Variants in TUBA1C observed in about 807,000 individuals in gnomAD.
TUBA1C encodes tubulin alpha-1C chain.
TUBA1C carries 16 observed loss-of-function variants against 34.9 expected under a neutral mutation model. The observed-to-expected ratio is 0.46, with a 90% CI of 0.31 to 0.70. The LOEUF is 0.70. Ranked by LOEUF, TUBA1C falls within the 30% of genes least tolerant of loss-of-function variation. The pLI is 0.05. For missense variants in TUBA1C, 329 were observed against 587.3 expected, an observed-to-expected ratio of 0.56 and a Z score of 4.55; for synonymous variants, 177 against 215.9, an observed-to-expected ratio of 0.82 and a Z score of 1.58.
chr12:49,246,314 A>G (rs1942666757), intron 1 of TUBA1C, among the ~76,000 whole-genome samples: 1 of 152,094 alleles, frequency 6.6e-6, no homozygotes, highest in Non-Finnish European at 1.5e-5. Context: ...ACCCTGGGGC[A>G]GCCTGCCTAG....
intron 1 of TUBA1C, among the ~76,000 whole-genome samples, chr12:49,257,608 C>T (rs1942797546): frequency 6.6e-6 from 1 of 151,832 alleles, no homozygotes; most frequent in Non-Finnish European, 1.5e-5. Context: ...GCAAGACCCT[C>T]TCGCTACAAA....
upstream of TUBA1C, among the ~76,000 whole-genome samples, chr12:49,264,474 A>G (rs1942873170): frequency 6.6e-6 from 1 of 151,922 alleles, no homozygotes; most frequent in South Asian, 2.1e-4. Flanking sequence ...CGGCGAGGGG[A>G]GCGGGCGCCC....
chr12:49,267,142 T>C (rs1241401032), intron 1 of TUBA1C, among the ~76,000 whole-genome samples: 1 of 152,200 alleles, frequency 6.6e-6, no homozygotes, highest in Non-Finnish European at 1.5e-5. Context: ...GGTAAGTCAG[T>C]GGCCGCTGAC....
rs765751484 is a variant in TUBA1C at position 49,269,518 on chromosome 12, C to T, written c.57C>T (p.Ala19=). Residue 19 remains alanine, a synonymous_variant, in exon 2 of 4, where the codon GCC becomes GCT. Coordinates refer to ENST00000301072, the MANE Select transcript of TUBA1C (RefSeq NM_032704.5). ...VGQAGVQIGN[A]CWELYCLEHG... Reference sequence around the variant, plus strand: ...AGGCTGGTGTCCAGATTGGCAATGCCTGCTGGGAGCTCTACTGCCTGGAAC... The same window carrying T: ...AGGCTGGTGTCCAGATTGGCAATGCTTGCTGGGAGCTCTACTGCCTGGAAC... 7 of 1,614,232 alleles carry T rather than the reference C, an allele frequency of 4.3e-6. No homozygotes were observed. The Admixed American group carries it at 5.0e-5, about 12-fold the overall frequency.
At chr12:49,268,087 A>G (rs1431482598) in intron 1 of TUBA1C, among the ~76,000 whole-genome samples, 4 of 151,450 alleles carry the variant, frequency 2.6e-5, no homozygotes, top group Non-Finnish European at 4.4e-5. Context: ...ATATATATCT[A>G]TGAGAGAGAG....
intron 1 of TUBA1C, among the ~76,000 whole-genome samples, chr12:49,251,668 G>A (rs1281448013): frequency 6.6e-6 from 1 of 151,912 alleles, no homozygotes; most frequent in Non-Finnish European, 1.5e-5. Context: ...CAGCTACTTT[G>A]GAGGCTGGGG....
At chr12:49,266,198 G>A (rs181583909) in intron 1 of TUBA1C, among the ~76,000 whole-genome samples, 307 of 150,368 alleles carry the variant, frequency 2.0e-3, no homozygotes, top group Middle Eastern at 0.014. Flanking sequence ...GGCTGAGGCT[G>A]GTGGATCACG....
chr12:49,235,376 C>T (rs1434650127), intron 1 of TUBA1C, among the ~76,000 whole-genome samples: 2 of 152,128 alleles, frequency 1.3e-5, no homozygotes, highest in African/African-American at 2.4e-5. Context: ...AAGGCCCTTT[C>T]CGGAAAGGTG....
At chr12:49,257,610 C>T (rs139827142) in intron 1 of TUBA1C, among the ~76,000 whole-genome samples, 2 of 151,684 alleles carry the variant, frequency 1.3e-5, no homozygotes, top group African/African-American at 2.4e-5. Flanking sequence ...AAGACCCTCT[C>T]GCTACAAAAA....
chr12:49,252,823 G>C (rs528285114), intron 1 of TUBA1C, among the ~76,000 whole-genome samples: 11 of 152,316 alleles, frequency 7.2e-5, no homozygotes, highest in Non-Finnish European at 1.5e-4. Flanking sequence ...TGAGGCAGGA[G>C]AATCACTTGA....
In TUBA1C at chr12:49,272,398, C is replaced by T. The variant is rs1434910230; in HGVS notation, c.521C>T (p.Ala174Val). Residue 174 changes from alanine (A) to valine (V), a missense_variant, in exon 4 of 4, where the codon GCG becomes GTG. By Grantham distance (64) the Ala-to-Val change is moderately conservative (BLOSUM62 0). Transcript: ENST00000301072. ...AAGCTGGAGTTCTCCATTTACCCGG[C>T]GCCCCAGGTTTCCACAGCTGTAGTT... ...KSKLEFSIYP[A>V]PQVSTAVVEP... The T allele has an allele frequency of 5.0e-6, 8 of 1,614,030 alleles. No homozygotes were observed. Among genetic ancestry groups the T allele is most frequent in the Admixed American group, 1.7e-5 (1 of 60,004 alleles).
At chr12:49,263,408 A>G (rs1050135465), upstream of TUBA1C, among the ~76,000 whole-genome samples, 16 of 152,160 alleles carry the variant, frequency 1.1e-4, no homozygotes, top group African/African-American at 3.9e-4. Flanking sequence ...GCTCACAAAC[A>G]TATTCCCTAA....
At chr12:49,270,241 G>A (rs1942973486) in intron 3 of TUBA1C, 2 of 611,268 alleles carry the variant, frequency 3.3e-6, no homozygotes, top group Non-Finnish European at 2.8e-6. Flanking sequence ...TGAGTGAGTA[G>A]GTAGCTGACT....
intron 1 of TUBA1C, among the ~76,000 whole-genome samples, chr12:49,258,671 G>T (rs904475278): frequency 3.3e-5 from 5 of 151,072 alleles, no homozygotes; most frequent in African/African-American, 1.2e-4. Context: ...CAGGTGATCA[G>T]CCCGCCTTGG....
chr12:49,247,077 T>C (rs1312286945), intron 1 of TUBA1C, among the ~76,000 whole-genome samples: 6 of 149,370 alleles, frequency 4.0e-5, no homozygotes, highest in African/African-American at 1.5e-4. Flanking sequence ...GAGATGGAGG[T>C]TACAGTGAAC....
intron 1 of TUBA1C, chr12:49,258,002 GTA>G: frequency 6.2e-6 from 1 of 161,434 alleles, no homozygotes; most frequent in Non-Finnish European, 1.4e-5. Context: ...GAGATTACAG[GTA>G]TGTGCCACCA....
chr12:49,245,502 A>G (rs1942658028), intron 1 of TUBA1C, among the ~76,000 whole-genome samples: 1 of 152,200 alleles, frequency 6.6e-6, no homozygotes, highest in Admixed American at 6.6e-5. Flanking sequence ...ACAGCTACTC[A>G]GGAGGCTGAG....
At chr12:49,237,283 G>A (rs1942565545) in intron 1 of TUBA1C, among the ~76,000 whole-genome samples, 1 of 151,900 alleles carries the variant, frequency 6.6e-6, no homozygotes, top group Non-Finnish European at 1.5e-5. Context: ...GCCGGGAGTG[G>A]TGGCGCGTAC....
chr12:49,254,168 G>T (rs955545673), intron 1 of TUBA1C, among the ~76,000 whole-genome samples: 1 of 152,072 alleles, frequency 6.6e-6, no homozygotes. Context: ...CAAATTAGCC[G>T]GGCGTGGTGG....
Sources: allele counts gnomAD v4.1 joint callset (sites outside exome capture counted in the v4.1 genomes callset), GRCh38; gene constraint gnomAD v4.1.1; transcripts MANE v1.5; gene names NCBI Gene and HGNC (gene_info 2026-07-23, HGNC 2026-07-21).